Variants in TBCA observed in about 807,000 individuals in gnomAD.
The protein encoded by TBCA is tubulin folding cofactor A, also known as tubulin-specific chaperone A.
A neutral mutation model predicts 15.8 loss-of-function variants in TBCA; 6 were observed. The observed-to-expected ratio is 0.38, with a 90% CI of 0.21 to 0.75. The LOEUF (loss-of-function observed/expected upper bound fraction) is 0.75, where lower values mean the gene tolerates loss of function less well. Among genes scored for constraint, TBCA ranks in the 30% least tolerant of loss-of-function variants. The probability of loss-of-function intolerance (pLI) is 0.46; values close to 1 mark genes in which losing one functional copy is unlikely to be tolerated. For missense variants in TBCA, 90 were observed against 131.2 expected (o/e 0.69, Z 1.53); for synonymous variants, 32 against 42.3 (o/e 0.76, Z 0.94).
chr5:77,714,606 G>A (rs947464458), intron 1 of TBCA, among the ~76,000 whole-genome samples: 17 of 147,258 alleles, frequency 1.2e-4, no homozygotes, highest in South Asian at 2.1e-4. Flanking sequence ...TGTCTCTGTC[G>A]CCCAAGCTGG....
intron 1 of TBCA, among the ~76,000 whole-genome samples, chr5:77,716,652 G>T (rs1284437975): frequency 6.6e-6 from 1 of 152,142 alleles, no homozygotes. Context: ...CCTTGTCCAA[G>T]TTCTCACATT....
intron 3 of TBCA, chr5:77,691,940 C>T: frequency 1.0e-6 from 1 of 987,880 alleles, no homozygotes; most frequent in Non-Finnish European, 1.2e-6. Flanking sequence ...GATGTCACAA[C>T]AGAGTTAAAT....
chr5:77,701,683 A>ATATATATG (rs1491217133), intron 2 of TBCA, among the ~76,000 whole-genome samples: 7 of 21,514 alleles, frequency 3.3e-4, no homozygotes, highest in Non-Finnish European at 8.2e-4. Flanking sequence ...TGTGGCATGC[A>ATATATATG]TATATATATA....
intron 2 of TBCA, among the ~76,000 whole-genome samples, chr5:77,699,376 CAA>C (rs1171219619): frequency 6.6e-6 from 1 of 152,062 alleles, no homozygotes; most frequent in African/African-American, 2.4e-5. Context: ...AGTACAGAAT[CAA>C]AACAGTGCAG....
intron 1 of TBCA, among the ~76,000 whole-genome samples, chr5:77,755,534 C>T (rs1216483446): frequency 6.6e-6 from 1 of 151,964 alleles, no homozygotes; most frequent in Non-Finnish European, 1.5e-5. Flanking sequence ...AAGATCATGA[C>T]ACTGCACTCC....
chr5:77,725,069 G>C (rs1340888107), intron 1 of TBCA, among the ~76,000 whole-genome samples: 1 of 126,908 alleles, frequency 7.9e-6, no homozygotes, highest in African/African-American at 2.8e-5. Flanking sequence ...TATTACCTGA[G>C]ACGGCTTTTT....
chr5:77,762,346 GA>G (rs1251414779), intron 1 of TBCA, among the ~76,000 whole-genome samples: 1 of 152,062 alleles, frequency 6.6e-6, no homozygotes, highest in African/African-American at 2.4e-5. Flanking sequence ...AGTTTAAAAA[GA>G]TTAATACGTA....
chr5:77,745,786 G>A (rs1229338116), intron 1 of TBCA, among the ~76,000 whole-genome samples: 1 of 152,186 alleles, frequency 6.6e-6, no homozygotes, highest in Non-Finnish European at 1.5e-5. Context: ...TCATAGTCTA[G>A]ATTGGCAGTA....
chr5:77,693,022 A>G, intron 3 of TBCA: 1 of 1,424,138 alleles, frequency 7.0e-7, no homozygotes. Flanking sequence ...CATAACTTAA[A>G]TAAATTTAAC....
chr5:77,758,577 C>A (rs1288248119), intron 1 of TBCA, among the ~76,000 whole-genome samples: 1 of 152,178 alleles, frequency 6.6e-6, no homozygotes, highest in Non-Finnish European at 1.5e-5. Flanking sequence ...TTCTACAACA[C>A]GGTGTCTGAG....
intron 1 of TBCA, among the ~76,000 whole-genome samples, chr5:77,767,838 G>A (rs1747815361): frequency 6.6e-6 from 1 of 152,178 alleles, no homozygotes; most frequent in African/African-American, 2.4e-5. Context: ...TAAAGATGCT[G>A]CTGCTATGGT....
intron 1 of TBCA, among the ~76,000 whole-genome samples, chr5:77,724,101 C>A (rs1746580724): frequency 6.6e-6 from 1 of 151,990 alleles, no homozygotes; most frequent in Non-Finnish European, 1.5e-5. Context: ...GAATCTTCAA[C>A]AACAATCATG....
At chr5:77,729,983 T>A (rs1014914988) in intron 1 of TBCA, among the ~76,000 whole-genome samples, 1 of 152,242 alleles carries the variant, frequency 6.6e-6, no homozygotes, top group Non-Finnish European at 1.5e-5. Flanking sequence ...GATACTTTAA[T>A]ATATTCCTAA....
intron 1 of TBCA, among the ~76,000 whole-genome samples, chr5:77,771,526 C>A (rs962807827): frequency 2.0e-5 from 3 of 152,202 alleles, no homozygotes; most frequent in African/African-American, 7.2e-5. Context: ...AAGACACTCA[C>A]CGTAAACCTC....
intron 2 of TBCA, among the ~76,000 whole-genome samples, chr5:77,699,391 T>C (rs13161644): frequency 0.08 from 12,179 of 152,274 alleles, 641 homozygotes; most frequent in Middle Eastern, 0.12. Context: ...CAGTGCAGTA[T>C]TGTTAATGAA....
intron 1 of TBCA, among the ~76,000 whole-genome samples, chr5:77,746,585 T>C (rs1260087423): frequency 1.3e-5 from 2 of 152,220 alleles, no homozygotes; most frequent in African/African-American, 2.4e-5. Context: ...ATTAACTTGG[T>C]AGACTTAATA....
intron 2 of TBCA, among the ~76,000 whole-genome samples, chr5:77,698,276 C>A (rs1745921469): frequency 6.6e-6 from 1 of 151,182 alleles, no homozygotes; most frequent in Admixed American, 6.6e-5. Flanking sequence ...CATTACGGAT[C>A]CTGCAATTAT....
At chr5:77,735,536 A>G (rs1746879379) in intron 1 of TBCA, among the ~76,000 whole-genome samples, 1 of 152,176 alleles carries the variant, frequency 6.6e-6, no homozygotes, top group African/African-American at 2.4e-5. Flanking sequence ...ATGACCCCCA[A>G]TTCAATATAA....
At chr5:77,758,129 G>T (rs1238060259) in intron 1 of TBCA, among the ~76,000 whole-genome samples, 1 of 152,118 alleles carries the variant, frequency 6.6e-6, no homozygotes, top group African/African-American at 2.4e-5. Flanking sequence ...TTGACCTTTT[G>T]ATTTGGGGTT....
Sources: gnomAD v4.1 joint callset for allele counts (sites outside exome capture counted in the v4.1 genomes callset) on GRCh38, gnomAD v4.1.1 for gene constraint, MANE v1.5 for transcripts, NCBI Gene and HGNC (gene_info 2026-07-23, HGNC 2026-07-21) for gene names.